Variants in ITGB3BP observed in about 807,000 individuals in gnomAD.
ITGB3BP encodes centromere protein R.
Under a neutral mutation model 29.1 loss-of-function variants are expected in ITGB3BP, and 27 were observed. That is an observed-to-expected ratio of 0.93 (90% CI 0.68 to 1.28). ITGB3BP has a LOEUF of 1.28. ITGB3BP is among the 50% of genes most tolerant of loss of function. ITGB3BP has a pLI of 0.00. For missense variants in ITGB3BP, 192 were observed against 200.2 expected (o/e 0.96, Z 0.25); for synonymous variants, 61 against 61.4 (o/e 0.99, Z 0.03).
At chr1:63,512,568 T>C (rs1366661655) in intron 1 of ITGB3BP, among the ~76,000 whole-genome samples, 1 of 152,106 alleles carries the variant, frequency 6.6e-6, no homozygotes, top group Non-Finnish European at 1.5e-5. Context: ...GGGTAAAGAA[T>C]AAACTTAGTA....
At chr1:63,487,002 T>C (rs1263084324) in intron 3 of ITGB3BP, among the ~76,000 whole-genome samples, 1 of 152,070 alleles carries the variant, frequency 6.6e-6, no homozygotes, top group Non-Finnish European at 1.5e-5. Context: ...TAGTACTGCA[T>C]CTTTATATTC....
In ITGB3BP at chr1:63,454,352, C is replaced by T. The variant is rs749133182; in HGVS notation, c.427+28G>A. The T allele has an allele frequency of 7.2e-6, 8 of 1,116,346 alleles. No individual in the cohort carries two copies. In the Admixed American group the frequency reaches 1.5e-4, roughly 20 times the overall value. The allele number at this position is 1,116,346 out of a possible 1,614,324, so 69.2% of individuals were successfully genotyped here. Reference sequence around the variant, plus strand: ...ATTAATAGGTTTATCTTTAAAATTACTGTCATTGAAAACTCAAAAATTCTT... The same window carrying T: ...ATTAATAGGTTTATCTTTAAAATTATTGTCATTGAAAACTCAAAAATTCTT... On this transcript the variant is annotated intron_variant, in intron 6 of 8. Coordinates refer to ENST00000271002, the MANE Select transcript of ITGB3BP (RefSeq NM_014288.5). This position sits in a 1 kb window ranked among gnomAD's most constrained non-coding sequence, Gnocchi z 4.1.
intron 4 of ITGB3BP, 123 bp from the exon 5 acceptor site, chr1:63,455,091 C>A (rs1644914009): frequency 3.5e-6 from 2 of 570,858 alleles, no homozygotes; most frequent in Non-Finnish European, 6.2e-6. Context: ...TTTACAAACA[C>A]AATATATATT....
chr1:63,453,001 AAC>A (rs1342252046), intron 7 of ITGB3BP, among the ~76,000 whole-genome samples: 12 of 152,246 alleles, frequency 7.9e-5, no homozygotes, highest in Admixed American at 7.9e-4. Context: ...AGGAAGAGAT[AAC>A]ACAGAATAAT....
At chr1:63,477,172 C>A (rs1425450725) in intron 4 of ITGB3BP, among the ~76,000 whole-genome samples, 1 of 152,218 alleles carries the variant, frequency 6.6e-6, no homozygotes, top group African/African-American at 2.4e-5. Flanking sequence ...AAAAACTCTT[C>A]TCTTTGTCCC....
rs1409014302 is a variant in ITGB3BP at position 63,442,224 on chromosome 1, T to A, written c.*2-1121A>T. Among the ~76,000 whole-genome samples the A allele has an allele frequency of 2.6e-5, 4 of 152,246 alleles. No individual in the cohort carries two copies. In the East Asian group the frequency reaches 5.8e-4, roughly 22 times the overall value. On this transcript the variant is annotated intron_variant, in intron 8 of 8. Coordinates refer to ENST00000271002, the MANE Select transcript of ITGB3BP (RefSeq NM_014288.5). Reference sequence around the variant, plus strand: ...CTTCTCAGTCTGAAGGGGAAGAAACTTCTGTCAACTCTTCCTCTGTACTCC... The same window carrying A: ...CTTCTCAGTCTGAAGGGGAAGAAACATCTGTCAACTCTTCCTCTGTACTCC...
At chr1:63,471,850 T>A (rs371803900) in intron 4 of ITGB3BP, among the ~76,000 whole-genome samples, 3 of 152,144 alleles carry the variant, frequency 2.0e-5, no homozygotes, top group Admixed American at 6.5e-5. Context: ...AGTGGCACCA[T>A]CTCGGCTCAC....
intron 2 of ITGB3BP, among the ~76,000 whole-genome samples, chr1:63,499,699 A>G (rs956145401): frequency 6.6e-6 from 1 of 152,190 alleles, no homozygotes; most frequent in Non-Finnish European, 1.5e-5. Context: ...ATATCAATCA[A>G]TGTAATACAC....
At chr1:63,493,721 A>G (rs1645718918) in intron 2 of ITGB3BP, among the ~76,000 whole-genome samples, 1 of 152,104 alleles carries the variant, frequency 6.6e-6, no homozygotes, top group Non-Finnish European at 1.5e-5. Flanking sequence ...ATTGTAGCTT[A>G]CTTTGTCACC....
In ITGB3BP at chr1:63,478,832, T is replaced by C; in HGVS notation, c.186A>G (p.Glu62=). The change falls in exon 4 of 9, where the codon GAA becomes GAG. Residue 62 remains glutamate, a splice_region_variant and synonymous_variant. Coordinates refer to ENST00000271002, the MANE Select transcript of ITGB3BP (RefSeq NM_014288.5). ...EQKHRNGLSN[E]KRKKLNHPSL... ...TGGGGTGATTCAATTTTTTTCTCTT[T>C]TCTATATATGTGTAATAAAGAAAAG... The C allele has an allele frequency of 1.6e-6, 2 of 1,231,770 alleles. No homozygotes were observed. The highest frequency in any genetic ancestry group is 2.3e-6 in the Non-Finnish European group (2 of 876,220). The allele number at this position is 1,231,770 out of a possible 1,614,324, so 76.3% of individuals were successfully genotyped here.
At chr1:63,448,227 C>T (rs1243855749) in intron 7 of ITGB3BP, among the ~76,000 whole-genome samples, 5 of 144,866 alleles carry the variant, frequency 3.5e-5, no homozygotes, top group East Asian at 2.1e-4. Flanking sequence ...ATACCTAATG[C>T]TAAATGACGA....
Position 63,473,909 on chromosome 1 carries a change from C to T in ITGB3BP, c.254+4855G>A, listed in dbSNP as rs1231281102. On this transcript the variant is annotated intron_variant, in intron 4 of 8. Transcript: ENST00000271002. ...CCTCTGCCCGGCCAGCCACCCCGTC[C>T]GGGAGGGAGGTGGGGGGGTCAGCCC... Among the ~76,000 whole-genome samples the T allele has an allele frequency of 3.8e-3, 83 of 21,578 alleles. 5 individuals are homozygous for T. Among genetic ancestry groups the T allele is most frequent in the African/African-American group, 0.012 (79 of 6,374 alleles). 14.2% of individuals were successfully genotyped at this position (21,578 alleles called of 152,430 possible). A position where few individuals can be genotyped will look rare whatever the true frequency, so the allele number is the denominator to read the frequency against.
upstream of ITGB3BP, among the ~76,000 whole-genome samples, chr1:63,525,399 C>T (rs570839118): frequency 2.0e-5 from 3 of 152,086 alleles, no homozygotes; most frequent in East Asian, 3.9e-4. Flanking sequence ...CTATAGTATT[C>T]GTCTTTTACT....
chr1:63,459,773 A>G (rs1473681604), intron 4 of ITGB3BP, among the ~76,000 whole-genome samples: 1 of 152,144 alleles, frequency 6.6e-6, no homozygotes, highest in Non-Finnish European at 1.5e-5. Context: ...TGTTTGACCT[A>G]TGTTCTCAAC....
At chr1:63,493,021 A>G (rs1645689347) in intron 2 of ITGB3BP, among the ~76,000 whole-genome samples, 1 of 151,596 alleles carries the variant, frequency 6.6e-6, no homozygotes, top group Non-Finnish European at 1.5e-5. Context: ...TGAGGTGGGA[A>G]GATCACTTAA....
At chr1:63,503,909 A>ATTTCCTTCTCCTGC (rs1557648465) in intron 2 of ITGB3BP, among the ~76,000 whole-genome samples, 3 of 152,000 alleles carry the variant, frequency 2.0e-5, no homozygotes, top group African/African-American at 4.8e-5. Flanking sequence ...TGTTTTGGTT[A>ATTTCCTTCTCCTGC]CTGTAGCCTT....
At chr1:63,525,663 G>A, upstream of ITGB3BP, 1 of 1,601,130 alleles carries the variant, frequency 6.2e-7, no homozygotes, top group Non-Finnish European at 8.5e-7. Flanking sequence ...TCCACTAACT[G>A]AAGAGGAAAT....
Position 63,472,055 on chromosome 1 carries a change from C to CTT in ITGB3BP, c.254+6708_254+6709insAA, listed in dbSNP as rs367831323. ...CGCCTCAGCCTCCCAAAGTGAATAA[C>CTT]CTTTTTTTTTTTTTTTAAATCTGAA... On this transcript the variant is annotated intron_variant, in intron 4 of 8. Transcript: ENST00000271002. 2.5e-3 allele frequency among the ~76,000 whole-genome samples: 374 copies of CTT among 146,840 alleles called. 3 individuals carry two copies. The highest frequency in any genetic ancestry group is 0.014 in the Middle Eastern group (4 of 282).
At chr1:63,474,921 C>CA (rs1557626469) in intron 4 of ITGB3BP, among the ~76,000 whole-genome samples, 614 of 3,434 alleles carry the variant, frequency 0.18, 5 homozygotes, top group Non-Finnish European at 0.41. Flanking sequence ...AAAATAAAAA[C>CA]AAAACAAAAC....
Sources: gnomAD v4.1 joint callset for allele counts (sites outside exome capture counted in the v4.1 genomes callset) on GRCh38, gnomAD v4.1.1 for gene constraint, Gnocchi (gnomAD v3.1) non-coding constraint, MANE v1.5 for transcripts, NCBI Gene and HGNC (gene_info 2026-07-23, HGNC 2026-07-21) for gene names.